CLSTN2: variants seen among roughly 807,000 people sequenced by gnomAD.
CLSTN2 encodes the protein calsyntenin-2.
CLSTN2 carries 48 observed loss-of-function variants against 101.2 expected under a neutral mutation model. That is an observed-to-expected ratio of 0.47 (90% CI 0.38 to 0.60). The LOEUF is 0.60. Among genes scored for constraint, CLSTN2 ranks in the 20% least tolerant of loss-of-function variants. The probability of loss-of-function intolerance (pLI) is 0.00; values close to 1 mark genes in which losing one functional copy is unlikely to be tolerated. For synonymous variants in CLSTN2, 481 were observed against 463.6 expected, an observed-to-expected ratio of 1.04 and a Z score of -0.48; for missense variants, 1,160 against 1,238.2, an observed-to-expected ratio of 0.94 and a Z score of 0.95.
chr3:140,279,805 C>T (rs1576497015), intron 2 of CLSTN2, among the ~76,000 whole-genome samples: 2 of 152,194 alleles, frequency 1.3e-5, no homozygotes, highest in East Asian at 1.9e-4. Flanking sequence ...TTCAAAATAG[C>T]CTTGTCCAAG....
chr3:140,264,913 G>C (rs1430106970), intron 2 of CLSTN2, among the ~76,000 whole-genome samples: 2 of 152,086 alleles, frequency 1.3e-5, no homozygotes, highest in Non-Finnish European at 2.9e-5. Context: ...TAGATCTTGG[G>C]ATTATAGAAA....
At chr3:140,543,150 T>A (rs796982896) in intron 9 of CLSTN2, among the ~76,000 whole-genome samples, 8 of 152,240 alleles carry the variant, frequency 5.3e-5, no homozygotes, top group African/African-American at 1.9e-4. Flanking sequence ...TGATAGTAGT[T>A]GTTGTTGGAT....
chr3:140,346,532 A>T (rs1197917167), intron 2 of CLSTN2, among the ~76,000 whole-genome samples: 1 of 152,216 alleles, frequency 6.6e-6, no homozygotes, highest in Non-Finnish European at 1.5e-5. Flanking sequence ...AATGCTTTAA[A>T]CAGAGTTGTT....
intron 4 of CLSTN2, among the ~76,000 whole-genome samples, chr3:140,407,971 A>G (rs1171127431): frequency 6.6e-6 from 1 of 152,196 alleles, no homozygotes; most frequent in Non-Finnish European, 1.5e-5. Flanking sequence ...ATGTCAGCAA[A>G]AAGGCAGAGA....
chr3:140,060,647 T>C (rs927211927), intron 1 of CLSTN2, among the ~76,000 whole-genome samples: 3 of 152,110 alleles, frequency 2.0e-5, no homozygotes, highest in African/African-American at 7.2e-5. Flanking sequence ...CACTTCTGAC[T>C]GTTAGAGCCA....
At chr3:140,347,288 A>G (rs2087559327) in intron 2 of CLSTN2, among the ~76,000 whole-genome samples, 1 of 152,212 alleles carries the variant, frequency 6.6e-6, no homozygotes, top group African/African-American at 2.4e-5. Context: ...GGTCATTTCC[A>G]GTGACATGGA....
chr3:139,972,859 T>A (rs1447248188), intron 1 of CLSTN2, among the ~76,000 whole-genome samples: 1 of 152,196 alleles, frequency 6.6e-6, no homozygotes, highest in Non-Finnish European at 1.5e-5. Context: ...ATTACATGAC[T>A]GGATGGATGA....
At chr3:140,029,883 A>T (rs1049886660) in intron 1 of CLSTN2, among the ~76,000 whole-genome samples, 1 of 152,132 alleles carries the variant, frequency 6.6e-6, no homozygotes, top group African/African-American at 2.4e-5. Flanking sequence ...TCCAAGACCC[A>T]AATTGGAGGC....
chr3:140,536,761 G>A (rs900898543), intron 9 of CLSTN2, among the ~76,000 whole-genome samples: 9 of 152,198 alleles, frequency 5.9e-5, no homozygotes, highest in Non-Finnish European at 1.2e-4. Context: ...CACTAGGAAG[G>A]TAAGGGAGGC....
chr3:140,480,859 T>C (rs1934100776), intron 8 of CLSTN2, among the ~76,000 whole-genome samples: 1 of 152,192 alleles, frequency 6.6e-6, no homozygotes, highest in African/African-American at 2.4e-5. Context: ...CTTTGTCCAA[T>C]GAGTAGATTG....
chr3:140,272,335 A>G (rs1576494016), intron 2 of CLSTN2, among the ~76,000 whole-genome samples: 1 of 152,202 alleles, frequency 6.6e-6, no homozygotes, highest in African/African-American at 2.4e-5. Context: ...CATGCAATCT[A>G]TGGCCATATG....
intron 1 of CLSTN2, among the ~76,000 whole-genome samples, chr3:140,058,174 C>T (rs572055971): frequency 6.6e-6 from 1 of 152,290 alleles, no homozygotes; most frequent in Non-Finnish European, 1.5e-5. Flanking sequence ...TGTGAGATGA[C>T]TAAGCCAGTA....
intron 2 of CLSTN2, among the ~76,000 whole-genome samples, chr3:140,207,481 G>T (rs185638329): frequency 6.6e-6 from 1 of 152,074 alleles, no homozygotes; most frequent in Non-Finnish European, 1.5e-5. Context: ...CTTTAAATGG[G>T]GATAGAAGTA....
chr3:140,477,217 A>G (rs1283864349), intron 8 of CLSTN2, among the ~76,000 whole-genome samples: 1 of 152,204 alleles, frequency 6.6e-6, no homozygotes, highest in Non-Finnish European at 1.5e-5. Context: ...TGCTGCACTT[A>G]CTACTCATTA....
intron 9 of CLSTN2, among the ~76,000 whole-genome samples, chr3:140,542,413 G>A (rs894005191): frequency 6.6e-6 from 1 of 152,130 alleles, no homozygotes; most frequent in African/African-American, 2.4e-5. Context: ...AAACATTTAA[G>A]GAAGATTCTT....
intron 1 of CLSTN2, among the ~76,000 whole-genome samples, chr3:140,124,241 A>G (rs1261278324): frequency 6.6e-6 from 1 of 152,116 alleles, no homozygotes; most frequent in Non-Finnish European, 1.5e-5. Context: ...GTGACTGGGG[A>G]TGGATAGGCA....
chr3:140,211,398 T>A (rs1371019423), intron 2 of CLSTN2, among the ~76,000 whole-genome samples: 2 of 113,484 alleles, frequency 1.8e-5, no homozygotes, highest in South Asian at 3.8e-4. Flanking sequence ...GCTTGGTAAT[T>A]CACACACACA....
chr3:140,397,826 T>G (rs1559858420), intron 2 of CLSTN2, among the ~76,000 whole-genome samples: 1 of 152,242 alleles, frequency 6.6e-6, no homozygotes, highest in East Asian at 1.9e-4. Flanking sequence ...GCTTTGAATC[T>G]TTTACTTGTA....
At chr3:140,183,380 T>A (rs2010437552) in intron 2 of CLSTN2, among the ~76,000 whole-genome samples, 1 of 152,148 alleles carries the variant, frequency 6.6e-6, no homozygotes, top group African/African-American at 2.4e-5. Context: ...AGTGAGTTGG[T>A]CACTCTAACA....
Sources: gnomAD v4.1 joint callset for allele counts (sites outside exome capture counted in the v4.1 genomes callset) on GRCh38, gnomAD v4.1.1 for gene constraint, MANE v1.5 for transcripts, NCBI Gene and HGNC (gene_info 2026-07-23, HGNC 2026-07-21) for gene names.